Variants in DIAPH1 observed in about 807,000 individuals in gnomAD.
The protein encoded by DIAPH1 is diaphanous related formin 1.
Under a neutral mutation model 140.7 loss-of-function variants are expected in DIAPH1, and 46 were observed. The ratio of observed to expected loss-of-function variants is 0.33; its 90% confidence interval spans 0.26 to 0.42. The LOEUF (loss-of-function observed/expected upper bound fraction) is 0.42, where lower values mean the gene tolerates loss of function less well. Among genes scored for constraint, DIAPH1 ranks in the 10% least tolerant of loss-of-function variants. The pLI is 1.00. For missense variants in DIAPH1, 1,310 were observed against 1,558.7 expected (o/e 0.84, Z 2.69); for synonymous variants, 565 against 551.6 (o/e 1.02, Z -0.34).
At position 141,552,496 on chromosome 5, in the gene DIAPH1, T is replaced by A. The variant is rs143457618; in HGVS notation, c.2483-18063A>T. ...GAGGAAGGGACCATAAGCCAAGGAATCTGGGCAGGCATTAGACATTGGAAA... is the reference window on the plus strand; with the variant it reads ...GAGGAAGGGACCATAAGCCAAGGAAACTGGGCAGGCATTAGACATTGGAAA... On this transcript the variant is annotated intron_variant, in intron 18 of 27. Transcript: ENST00000389054. Among the ~76,000 whole-genome samples, 131 of 152,286 alleles carry A rather than the reference T, an allele frequency of 8.6e-4. 1 individual carries two copies. The highest frequency in any genetic ancestry group is 1.6e-3 in the Non-Finnish European group (110 of 68,036).
At chr5:141,604,934 A>C (rs1057007201) in intron 1 of DIAPH1, among the ~76,000 whole-genome samples, 3 of 152,202 alleles carry the variant, frequency 2.0e-5, no homozygotes, top group Non-Finnish European at 2.9e-5. Flanking sequence ...CTACCACCAG[A>C]AATATAAGTG....
At chr5:141,543,534 T>C (rs201335943) in intron 18 of DIAPH1, among the ~76,000 whole-genome samples, 1 of 152,186 alleles carries the variant, frequency 6.6e-6, no homozygotes, top group African/African-American at 2.4e-5. Flanking sequence ...GCAAAAGCCA[T>C]ATGCATTCAG....
chr5:141,591,330 C>T (rs149791570), intron 1 of DIAPH1, among the ~76,000 whole-genome samples: 1,735 of 152,068 alleles, frequency 0.011, 26 homozygotes, highest in African/African-American at 0.028. Flanking sequence ...CAATTGTCTT[C>T]TGATTGTCTG....
At chr5:141,591,022 C>T (rs1205604559) in intron 1 of DIAPH1, among the ~76,000 whole-genome samples, 1 of 152,156 alleles carries the variant, frequency 6.6e-6, no homozygotes, top group African/African-American at 2.4e-5. Flanking sequence ...AATAACTCTC[C>T]GCTGCCCTAT....
chr5:141,526,686 G>A (rs1449171322), intron 24 of DIAPH1, among the ~76,000 whole-genome samples: 2 of 148,984 alleles, frequency 1.3e-5, no homozygotes, highest in East Asian at 1.9e-4. Flanking sequence ...TTAAACTGTT[G>A]TTTGTTTGTT....
At chr5:141,589,002 CA>C (rs1185641501) in intron 1 of DIAPH1, 1 of 152,838 alleles carries the variant, frequency 6.5e-6, no homozygotes, top group African/African-American at 2.4e-5. Flanking sequence ...TTGGATAAAA[CA>C]GAAAATATAA....
In DIAPH1 at chr5:141,529,249, G is replaced by C; in HGVS notation, c.2701C>G (p.Pro901Ala). 1.2e-6 allele frequency: 2 copies of C among 1,614,086 alleles called. No homozygotes were observed. Among genetic ancestry groups the C allele is most frequent in the South Asian group, 1.1e-5 (1 of 91,078 alleles). Residue 901 changes from proline (P) to alanine (A), a missense_variant, in exon 21 of 28, where the codon CCA (proline) becomes GCA (alanine). Physicochemically the swap from Pro to Ala is conservative, Grantham distance 27. Around this residue, in one of 3 missense-constraint regions of DIAPH1, gnomAD observed 344 missense variants for 512.2 expected, o/e 0.67. Coordinates refer to ENST00000389054, the MANE Select transcript of DIAPH1 (RefSeq NM_005219.5). ...IQNLIKQMPE[P>A]EQLKMLSELK... ...TCAGAAAGCATTTTTAACTGCTCTG[G>C]CTCTGGCATTTGCTTAATGAGGTTC...
At chr5:141,542,115 T>C (rs1192089958) in intron 18 of DIAPH1, among the ~76,000 whole-genome samples, 2 of 152,138 alleles carry the variant, frequency 1.3e-5, no homozygotes, top group African/African-American at 2.4e-5. Context: ...AGCAGCTCTA[T>C]TCAAAATAGA....
At chr5:141,597,981 C>T (rs922553151) in intron 1 of DIAPH1, among the ~76,000 whole-genome samples, 4 of 152,188 alleles carry the variant, frequency 2.6e-5, no homozygotes, top group Non-Finnish European at 5.9e-5. Flanking sequence ...GTACTTGGCC[C>T]TCACTGCAGG....
chr5:141,549,836 T>C (rs1025052152), intron 18 of DIAPH1, among the ~76,000 whole-genome samples: 1 of 152,096 alleles, frequency 6.6e-6, no homozygotes, highest in African/African-American at 2.4e-5. Context: ...ATGGAACTCA[T>C]AAAAAGCACA....
intron 1 of DIAPH1, among the ~76,000 whole-genome samples, chr5:141,598,607 A>T (rs2099899685): frequency 6.6e-6 from 1 of 152,192 alleles, no homozygotes; most frequent in South Asian, 2.1e-4. Context: ...CAGTTACCAC[A>T]TCCTAATGTA....
At chr5:141,575,348 G>T (rs1452617881) in intron 14 of DIAPH1, among the ~76,000 whole-genome samples, 1 of 152,178 alleles carries the variant, frequency 6.6e-6, no homozygotes, top group Non-Finnish European at 1.5e-5. Context: ...CCATGATTCT[G>T]ACCTTAAAAT....
At chr5:141,533,580 C>G (rs1489988667) in intron 19 of DIAPH1, among the ~76,000 whole-genome samples, 1 of 152,178 alleles carries the variant, frequency 6.6e-6, no homozygotes, top group Non-Finnish European at 1.5e-5. Flanking sequence ...GGCATGGTAG[C>G]TTACATCTGT....
chr5:141,574,090 G>A lies in DIAPH1; in HGVS notation c.1760C>T (p.Pro587Leu), dbSNP rs1391046492. The A allele has an allele frequency of 1.9e-6, 3 of 1,613,614 alleles. No homozygotes were observed. The highest frequency in any genetic ancestry group is 2.5e-6 in the Non-Finnish European group (3 of 1,179,830). ...PSRAPVPPAP[P>L]LPGDSGTIIP... ...AATAGTGCCAGAGTCACCAGGTAAA[G>A]GAGGGGCAGGGGGAACAGGAGCACG... Residue 587 changes from proline (P) to leucine (L), a missense_variant, in exon 16 of 28, where the codon CCT (proline) becomes CTT (leucine). This residue lies in a region of DIAPH1 where 589 missense variants were observed against 549.3 expected (regional missense o/e 1.07). Coordinates refer to ENST00000389054, the MANE Select transcript of DIAPH1 (RefSeq NM_005219.5).
intron 1 of DIAPH1, among the ~76,000 whole-genome samples, chr5:141,610,610 T>C (rs932923171): frequency 3.3e-5 from 5 of 151,706 alleles, no homozygotes; most frequent in South Asian, 2.1e-4. Context: ...AATTTTTGTA[T>C]TTTTAGTAGA....
chr5:141,572,950 ATTAAG>A (rs1052662755), intron 16 of DIAPH1, among the ~76,000 whole-genome samples: 4 of 152,324 alleles, frequency 2.6e-5, no homozygotes, highest in African/African-American at 7.2e-5. Flanking sequence ...GGCAAAAAAC[ATTAAG>A]TTAAGATTAA....
intron 3 of DIAPH1, among the ~76,000 whole-genome samples, chr5:141,586,644 A>G (rs1472840033): frequency 6.6e-6 from 1 of 152,244 alleles, no homozygotes; most frequent in Non-Finnish European, 1.5e-5. Flanking sequence ...CCTTGAGCAA[A>G]TGATATTCCA....
At chr5:141,582,135 T>C (rs889256259) in intron 7 of DIAPH1, 177 bp downstream of exon 7, 37 of 461,848 alleles carry the variant, frequency 8.0e-5, no homozygotes, top group Middle Eastern at 6.4e-4. Context: ...AAGTTAGAAC[T>C]GAGAAAAAAA....
chr5:141,553,357 C>T (rs9324853), intron 18 of DIAPH1, among the ~76,000 whole-genome samples: 5,418 of 149,080 alleles, frequency 0.036, 124 homozygotes, highest in South Asian at 0.078. Context: ...AAAACAGTCT[C>T]GGCCGGGCAT....
Sources: allele counts gnomAD v4.1 joint callset (sites outside exome capture counted in the v4.1 genomes callset), GRCh38; gene constraint gnomAD v4.1.1; regional missense constraint gnomAD v4.1.1; transcripts MANE v1.5; gene names NCBI Gene and HGNC (gene_info 2026-07-23, HGNC 2026-07-21).